The following MAP3K20 variants were observed in gnomAD, a reference collection of about 807,000 sequenced individuals.
MAP3K20 encodes mitogen-activated protein kinase kinase kinase 20.
A neutral mutation model predicts 85.7 loss-of-function variants in MAP3K20; 40 were observed. That is an observed-to-expected ratio of 0.47 (90% CI 0.36 to 0.61). MAP3K20 has a LOEUF of 0.61. MAP3K20 is among the 20% of genes least tolerant of loss of function. MAP3K20 has a pLI of 0.00. For synonymous variants in MAP3K20, 325 were observed against 327.7 expected, an observed-to-expected ratio of 0.99 and a Z score of 0.09; for missense variants, 817 against 961.7, an observed-to-expected ratio of 0.85 and a Z score of 1.99.
intron 11 of MAP3K20, chr2:173,225,826 C>A: frequency 1.0e-6 from 1 of 984,828 alleles, no homozygotes; most frequent in Non-Finnish European, 1.2e-6. Flanking sequence ...GTTTCTTTCT[C>A]CTTAGAAATG....
intron 2 of MAP3K20, among the ~76,000 whole-genome samples, chr2:173,094,297 A>G (rs1419325189): frequency 6.6e-6 from 1 of 152,108 alleles, no homozygotes; most frequent in Non-Finnish European, 1.5e-5. Context: ...ATATTGTATG[A>G]TTTTTGCTGA....
chr2:173,152,548 GA>G (rs1292764876), intron 2 of MAP3K20, among the ~76,000 whole-genome samples: 1 of 152,134 alleles, frequency 6.6e-6, no homozygotes, highest in African/African-American at 2.4e-5. Flanking sequence ...ACCACTTATC[GA>G]ATGCTCTTAA....
At chr2:173,254,842 T>C (rs778154080) in intron 16 of MAP3K20, among the ~76,000 whole-genome samples, 1 of 152,228 alleles carries the variant, frequency 6.6e-6, no homozygotes, top group Non-Finnish European at 1.5e-5. Flanking sequence ...TTTTGTTAAC[T>C]AGGCAACGAT....
At chr2:173,083,900 A>G (rs968726526) in intron 1 of MAP3K20, among the ~76,000 whole-genome samples, 1 of 152,166 alleles carries the variant, frequency 6.6e-6, no homozygotes, top group Non-Finnish European at 1.5e-5. Flanking sequence ...TTCTTCCTAT[A>G]TTGTATAAAA....
intron 14 of MAP3K20, among the ~76,000 whole-genome samples, chr2:173,234,802 C>G (rs1240803501): frequency 1.1e-4 from 16 of 152,138 alleles, no homozygotes; most frequent in Admixed American, 1.0e-3. Flanking sequence ...CAGCTTACAA[C>G]TTCAGGCTGG....
intron 2 of MAP3K20, among the ~76,000 whole-genome samples, chr2:173,159,239 T>A (rs947090339): frequency 2.6e-5 from 4 of 152,242 alleles, no homozygotes; most frequent in Admixed American, 2.0e-4. Flanking sequence ...ATAATTTCCG[T>A]ATGATTGCTT....
At chr2:173,239,532 A>C in intron 16 of MAP3K20, 36 bp downstream of exon 16, 1 of 1,581,950 alleles carries the variant, frequency 6.3e-7, no homozygotes, top group Non-Finnish European at 8.6e-7. Flanking sequence ...ATAAATCTCA[A>C]TCGAACTACT....
intron 1 of MAP3K20, among the ~76,000 whole-genome samples, chr2:173,085,818 T>TA (rs1248772893): frequency 1.0e-5 from 1 of 100,346 alleles, no homozygotes; most frequent in Non-Finnish European, 2.0e-5. Flanking sequence ...TTTTTTGAGA[T>TA]AGAGCCTTGC....
At chr2:173,256,514 TAGATAGATAGATAGATAGAC>T (rs1199562120) in intron 16 of MAP3K20, among the ~76,000 whole-genome samples, 51 of 44,990 alleles carry the variant, frequency 1.1e-3, no homozygotes, top group Non-Finnish European at 2.0e-3. Context: ...GATAGATAGA[TAGATAGATAGATAGATAGAC>T]AGACAGACAG....
In MAP3K20 at chr2:173,217,100, G is replaced by C. The variant is rs764859036; in HGVS notation, c.852-15G>C. On this transcript the variant is annotated splice_polypyrimidine_tract_variant and intron_variant, in intron 10 of 19. Transcript: ENST00000375213. ...TTAAGTAAAGTTGAGACTTACACCA[G>C]CTATCCCCGTGCAGGTGCGAAATTG... 17 of 1,518,350 alleles carry C rather than the reference G, an allele frequency of 1.1e-5. No individual in the cohort carries two copies. The highest frequency in any genetic ancestry group is 1.1e-4 in the South Asian group (8 of 73,408). The allele number at this position is 1,518,350 out of a possible 1,614,324, so 94.1% of individuals were successfully genotyped here.
intron 8 of MAP3K20, among the ~76,000 whole-genome samples, chr2:173,202,140 A>G (rs1037957557): frequency 1.3e-5 from 2 of 152,190 alleles, no homozygotes; most frequent in African/African-American, 4.8e-5. Context: ...AAAAGTAAAC[A>G]CCTGAATTTT....
chr2:173,151,860 A>C (rs1318323812), intron 2 of MAP3K20, among the ~76,000 whole-genome samples: 1 of 152,256 alleles, frequency 6.6e-6, no homozygotes, highest in Non-Finnish European at 1.5e-5. Context: ...GTGTTGAGAC[A>C]CAGGAAATGC....
chr2:173,266,532 G>A lies in MAP3K20; in HGVS notation c.2185G>A (p.Asp729Asn). ...QSALNPHQSP[D>N]FKRSPRDLHQ... ...AGCACTCAATCCTCACCAGTCGCCT[G>A]ACTTCAAGAGAAGCCCCAGGGACCT... The change falls in exon 20 of 20, where the codon GAC (aspartate) becomes AAC (asparagine). Residue 729 changes from aspartate (D) to asparagine (N), a missense_variant. By Grantham distance (23) the Asp-to-Asn change is conservative. Around this residue, in one of 4 missense-constraint regions of MAP3K20, gnomAD observed 454 missense variants for 476.9 expected, o/e 0.95. Transcript: ENST00000375213. 1 of 1,613,936 alleles carries A rather than the reference G, an allele frequency of 6.2e-7. No homozygotes were observed. The highest frequency in any genetic ancestry group is 8.5e-7 in the Non-Finnish European group (1 of 1,179,942).
chr2:173,121,738 C>A (rs1469896289), intron 2 of MAP3K20, among the ~76,000 whole-genome samples: 1 of 151,850 alleles, frequency 6.6e-6, no homozygotes. Flanking sequence ...AGCATGGATG[C>A]CCCCCCGCCG....
At chr2:173,126,758 T>C (rs951142229) in intron 2 of MAP3K20, among the ~76,000 whole-genome samples, 10 of 152,220 alleles carry the variant, frequency 6.6e-5, no homozygotes, top group South Asian at 2.1e-4. Flanking sequence ...TGAGAACTGC[T>C]TGGACTGCAG....
At chr2:173,090,201 C>G (rs6724466) in intron 1 of MAP3K20, among the ~76,000 whole-genome samples, 4,908 of 152,216 alleles carry the variant, frequency 0.032, 260 homozygotes, top group African/African-American at 0.11. Flanking sequence ...GTTTGGCATA[C>G]AGTGTTAACA....
chr2:173,165,815 G>C (rs185908530), intron 2 of MAP3K20, among the ~76,000 whole-genome samples: 109 of 152,262 alleles, frequency 7.2e-4, no homozygotes, highest in Middle Eastern at 6.8e-3. Flanking sequence ...GGGACCACAG[G>C]CATGTGCCAG....
At chr2:173,095,827 CATT>C (rs1687441193) in intron 2 of MAP3K20, among the ~76,000 whole-genome samples, 1 of 152,260 alleles carries the variant, frequency 6.6e-6, no homozygotes, top group East Asian at 1.9e-4. Flanking sequence ...AGTTACAAAA[CATT>C]ATATACAATA....
intron 11 of MAP3K20, chr2:173,221,690 T>C (rs1483297944): frequency 7.6e-7 from 1 of 1,321,966 alleles, no homozygotes; most frequent in Non-Finnish European, 9.7e-7. Flanking sequence ...AATTCTACTT[T>C]TATTTTTGCT....
Sources: gnomAD v4.1 joint callset for allele counts (sites outside exome capture counted in the v4.1 genomes callset) on GRCh38, gnomAD v4.1.1 for gene constraint, gnomAD v4.1.1 regional missense constraint, MANE v1.5 for transcripts, NCBI Gene and HGNC (gene_info 2026-07-23, HGNC 2026-07-21) for gene names.